GALNTL6: variants seen among roughly 807,000 people sequenced by gnomAD.
GALNTL6 encodes the protein polypeptide N-acetylgalactosaminyltransferase like 6.
Under a neutral mutation model 73.7 loss-of-function variants are expected in GALNTL6, and 46 were observed. That is an observed-to-expected ratio of 0.62 (90% CI 0.49 to 0.80). The LOEUF (loss-of-function observed/expected upper bound fraction) is 0.80, where lower values mean the gene tolerates loss of function less well. Among genes scored for constraint, GALNTL6 ranks in the 30% least tolerant of loss-of-function variants. GALNTL6 has a pLI of 0.00. For missense variants in GALNTL6, 604 were observed against 755.0 expected (o/e 0.80, Z 2.34); for synonymous variants, 259 against 263.7 (o/e 0.98, Z 0.17).
intron 5 of GALNTL6, among the ~76,000 whole-genome samples, chr4:172,429,073 C>T (rs575262337): frequency 1.6e-4 from 25 of 151,992 alleles, no homozygotes; most frequent in Middle Eastern, 3.4e-3. Context: ...GTGGAAGAGG[C>T]GAACAAGTTC....
intron 2 of GALNTL6, among the ~76,000 whole-genome samples, chr4:171,949,460 A>G (rs1194404400): frequency 6.6e-6 from 1 of 152,176 alleles, no homozygotes; most frequent in Non-Finnish European, 1.5e-5. Flanking sequence ...ATTTTCACAG[A>G]TAAACTTTTT....
chr4:172,798,325 T>A lies in GALNTL6; in HGVS notation c.554-11036T>A, dbSNP rs952470135. Among the ~76,000 whole-genome samples, 6 of 152,304 alleles carry A rather than the reference T, an allele frequency of 3.9e-5. No individual in the cohort carries two copies. In the South Asian group the frequency reaches 1.2e-3, roughly 32 times the overall value. On this transcript the variant is annotated intron_variant, in intron 5 of 12. Coordinates refer to ENST00000506823, the MANE Select transcript of GALNTL6 (RefSeq NM_001034845.3). ...GAGGTAGGGCCTGGTAAGAGGTGAC[T>A]GAATCTTAGAGGTGGATTTTTCATG...
chr4:172,531,370 A>G (rs771280593), intron 5 of GALNTL6, among the ~76,000 whole-genome samples: 4 of 152,250 alleles, frequency 2.6e-5, no homozygotes, highest in Non-Finnish European at 4.4e-5. Context: ...TTAACCATTG[A>G]GAGAAATGCC....
intron 5 of GALNTL6, among the ~76,000 whole-genome samples, chr4:172,625,762 A>G (rs1034149283): frequency 6.6e-6 from 1 of 151,960 alleles, no homozygotes; most frequent in African/African-American, 2.4e-5. Flanking sequence ...ATTTACAATT[A>G]TCTTATGATT....
At chr4:171,967,447 G>GTTTTTTTTTTTT (rs759348628) in intron 2 of GALNTL6, among the ~76,000 whole-genome samples, 22 of 14,310 alleles carry the variant, frequency 1.5e-3, no homozygotes, top group East Asian at 6.9e-3. Flanking sequence ...CCCCCTATGG[G>GTTTTTTTTTTTT]TTTTTTTTTT....
chr4:172,909,096 A>G (rs1747061704), intron 8 of GALNTL6, among the ~76,000 whole-genome samples: 1 of 151,966 alleles, frequency 6.6e-6, no homozygotes, highest in South Asian at 2.1e-4. Flanking sequence ...GATAAAATTA[A>G]CATTTCAAAT....
In GALNTL6 at chr4:172,645,090, C is replaced by T. The variant is rs566413642; in HGVS notation, c.554-164271C>T. 1.2e-4 allele frequency among the ~76,000 whole-genome samples: 18 copies of T among 152,046 alleles called. No individual in the cohort carries two copies. The South Asian group carries it at 3.7e-3, about 32-fold the overall frequency. On this transcript the variant is annotated intron_variant, in intron 5 of 12. Transcript: ENST00000506823. ...GTAGAAGTACTCTATAAGTTCTAGACAGAAGTCCAGTCCTTTGTTGGATTT... is the reference window on the plus strand; with the variant it reads ...GTAGAAGTACTCTATAAGTTCTAGATAGAAGTCCAGTCCTTTGTTGGATTT...
intron 2 of GALNTL6, among the ~76,000 whole-genome samples, chr4:171,973,407 G>A (rs965259164): frequency 6.6e-6 from 1 of 152,104 alleles, no homozygotes; most frequent in Non-Finnish European, 1.5e-5. Flanking sequence ...AACTCTACAA[G>A]GTGATGCCTC....
At chr4:172,346,699 A>G (rs1741751503) in intron 4 of GALNTL6, among the ~76,000 whole-genome samples, 2 of 152,204 alleles carry the variant, frequency 1.3e-5, no homozygotes, top group Admixed American at 6.5e-5. Flanking sequence ...TCATTGTTTT[A>G]TCTCAACTTT....
chr4:171,938,272 C>T (rs542147272), intron 2 of GALNTL6, among the ~76,000 whole-genome samples: 6 of 152,242 alleles, frequency 3.9e-5, no homozygotes, highest in African/African-American at 1.4e-4. Context: ...TGCTCACCTC[C>T]TACCCCTGAC....
intron 12 of GALNTL6, among the ~76,000 whole-genome samples, chr4:173,022,093 A>C (rs1473467682): frequency 7.2e-6 from 1 of 139,036 alleles, no homozygotes; most frequent in Non-Finnish European, 1.6e-5. Context: ...GAAGGAAAGA[A>C]GGAAGGAAGG....
intron 2 of GALNTL6, among the ~76,000 whole-genome samples, chr4:172,055,964 T>C (rs1731008920): frequency 6.6e-6 from 1 of 152,176 alleles, no homozygotes; most frequent in African/African-American, 2.4e-5. Context: ...ATGAAATATA[T>C]AGCAGCAAAG....
chr4:172,089,853 C>T (rs1251879097), intron 2 of GALNTL6, among the ~76,000 whole-genome samples: 1 of 152,152 alleles, frequency 6.6e-6, no homozygotes, highest in Non-Finnish European at 1.5e-5. Flanking sequence ...CTTCCCCTAG[C>T]CCCTGATTTC....
At chr4:172,494,161 A>C (rs1339829855) in intron 5 of GALNTL6, among the ~76,000 whole-genome samples, 1 of 152,232 alleles carries the variant, frequency 6.6e-6, no homozygotes, top group Non-Finnish European at 1.5e-5. Context: ...AACCAAAATA[A>C]AATGTATTCA....
intron 2 of GALNTL6, among the ~76,000 whole-genome samples, chr4:172,037,680 G>A (rs1004252714): frequency 6.6e-6 from 1 of 152,084 alleles, no homozygotes; most frequent in South Asian, 2.1e-4. Context: ...TATCATTTAG[G>A]ATGGGACAGA....
chr4:172,102,779 T>A (rs974034166), intron 2 of GALNTL6, among the ~76,000 whole-genome samples: 4 of 152,196 alleles, frequency 2.6e-5, no homozygotes, highest in Non-Finnish European at 4.4e-5. Flanking sequence ...CACTTCTCGC[T>A]AGGGAATGAT....
intron 7 of GALNTL6, among the ~76,000 whole-genome samples, chr4:172,817,199 G>T (rs1190786507): frequency 6.6e-6 from 1 of 151,908 alleles, no homozygotes; most frequent in African/African-American, 2.4e-5. Context: ...ACCAAGGCAG[G>T]CAGATTGCTT....
chr4:172,486,527 A>G (rs1733676173), intron 5 of GALNTL6, among the ~76,000 whole-genome samples: 2 of 152,230 alleles, frequency 1.3e-5, no homozygotes, highest in Admixed American at 6.5e-5. Context: ...AAAGTGGGGC[A>G]TTAGAAATGT....
intron 5 of GALNTL6, among the ~76,000 whole-genome samples, chr4:172,621,766 C>G (rs1312103453): frequency 1.4e-4 from 21 of 152,192 alleles, no homozygotes; most frequent in Admixed American, 1.4e-3. Context: ...TACTTCCTCA[C>G]AATAGCCTTG....
Sources: gnomAD v4.1 joint callset for allele counts (sites outside exome capture counted in the v4.1 genomes callset) on GRCh38, gnomAD v4.1.1 for gene constraint, MANE v1.5 for transcripts, NCBI Gene and HGNC (gene_info 2026-07-23, HGNC 2026-07-21) for gene names.